The following CASP8 variants were observed in gnomAD, a reference collection of about 807,000 sequenced individuals.
CASP8 encodes the protein caspase 8, also known as caspase-8.
A neutral mutation model predicts 46.3 loss-of-function variants in CASP8; 24 were observed. The ratio of observed to expected loss-of-function variants is 0.52; its 90% CI spans 0.38 to 0.73. CASP8 has a LOEUF of 0.73. Among genes scored for constraint, CASP8 ranks in the 30% least tolerant of loss-of-function variants. CASP8 has a pLI of 0.00. For missense variants in CASP8, 460 were observed against 559.0 expected, an observed-to-expected ratio of 0.82 and a Z score of 1.79; for synonymous variants, 188 against 200.4, an observed-to-expected ratio of 0.94 and a Z score of 0.52.
rs1948336493 is a variant in CASP8 at position 201,272,553 on chromosome 2, G to A, written c.412-85G>A. On this transcript the variant is annotated intron_variant, in intron 3 of 8. Coordinates refer to ENST00000673742, the MANE Select transcript of CASP8 (RefSeq NM_001372051.1). The surrounding 1 kb of genome is among the most constrained non-coding windows in gnomAD (Gnocchi z 4.4). ...AAGCAAGGGCAGGTCCTTGGTTGGA[G>A]AAATTGGAAATTAAAAAAAAAAATC... 6.7e-7 allele frequency: 1 copy of A among 1,500,448 alleles called. No homozygotes were observed. The highest frequency in any genetic ancestry group is 9.2e-7 in the Non-Finnish European group (1 of 1,087,064). The allele number at this position is 1,500,448 out of a possible 1,614,324, so 92.9% of individuals were successfully genotyped here. A position where few individuals can be genotyped will look rare whatever the true frequency, so the allele number is the denominator to read the frequency against.
intron 2 of CASP8, among the ~76,000 whole-genome samples, chr2:201,245,682 A>G (rs1946481824): frequency 6.6e-6 from 1 of 152,074 alleles, no homozygotes; most frequent in African/African-American, 2.4e-5. Flanking sequence ...CCAGGTTTGG[A>G]GTGAGGCGTA....
chr2:201,285,317 G>C lies in CASP8; in HGVS notation c.1304G>C (p.Arg435Pro), dbSNP rs746401108. The C allele has an allele frequency of 6.2e-7, 1 of 1,612,972 alleles. No individual in the cohort carries two copies. The highest frequency in any genetic ancestry group is 8.5e-7 in the Non-Finnish European group (1 of 1,180,004). ...CAGAGCCTGAGAGAGCGATGTCCTC[G>C]GTAAGTTTTGCCTACTCAGCCCTCC... Reference protein sequence around the residue: ...LCQSLRERCPRGDDILTILTE... With the variant: ...LCQSLRERCPPGDDILTILTE... Residue 435 changes from arginine (R) to proline (P), a missense_variant and splice_region_variant, in exon 8 of 9, where the codon CGA becomes CCA. Coordinates refer to ENST00000673742, the MANE Select transcript of CASP8 (RefSeq NM_001372051.1).
In CASP8 at chr2:201,271,627, A is replaced by G; in HGVS notation, c.411+6A>G. 4 of 1,512,052 alleles carry G rather than the reference A, an allele frequency of 2.6e-6. No homozygotes were observed. The highest frequency in any genetic ancestry group is 3.7e-6 in the Non-Finnish European group (4 of 1,086,974). The allele number at this position is 1,512,052 out of a possible 1,614,324, so 93.7% of individuals were successfully genotyped here. ...GCAAACTGGATGATGACATGGTAAGACCTGGTATCTTACTGAGATTTAGTC... is the reference window on the plus strand; with the variant it reads ...GCAAACTGGATGATGACATGGTAAGGCCTGGTATCTTACTGAGATTTAGTC... On this transcript the variant is annotated splice_donor_region_variant and intron_variant, in intron 3 of 8. Coordinates refer to ENST00000673742, the MANE Select transcript of CASP8 (RefSeq NM_001372051.1).
At chr2:201,254,940 C>T (rs1280112172) in intron 2 of CASP8, among the ~76,000 whole-genome samples, 1 of 152,216 alleles carries the variant, frequency 6.6e-6, no homozygotes, top group Non-Finnish European at 1.5e-5. Flanking sequence ...GGACCATGCA[C>T]ATTATTAATT....
At position 201,272,659 on chromosome 2, in the gene CASP8, G is replaced by A. The variant is rs2125254662; in HGVS notation, c.433G>A (p.Glu145Lys). The A allele has an allele frequency of 6.2e-7, 1 of 1,614,124 alleles. No individual in the cohort carries two copies. The highest frequency in any genetic ancestry group is 2.2e-5 in the East Asian group (1 of 44,882). The change falls in exon 4 of 9, where the codon GAG becomes AAG. Residue 145 changes from glutamate to lysine, a missense_variant. By Grantham distance (56) the Glu-to-Lys change is moderately conservative. Transcript: ENST00000673742. This position sits in a 1 kb window ranked among gnomAD's most constrained non-coding sequence, Gnocchi z 4.4. ...TTAGAACCTGCTGGATATTTTCATA[G>A]AGATGGAGAAGAGGGTCATCCTGGG... ...DDMNLLDIFIEMEKRVILGEG... is the reference protein window; with the variant it reads ...DDMNLLDIFIKMEKRVILGEG...
chr2:201,237,660 C>T (rs1466012868), intron 2 of CASP8, among the ~76,000 whole-genome samples: 1 of 151,824 alleles, frequency 6.6e-6, no homozygotes, highest in Non-Finnish European at 1.5e-5. Context: ...CAGTTTTTTT[C>T]CCACTTGCAC....
chr2:201,258,611 C>A (rs1220066452), upstream of CASP8, among the ~76,000 whole-genome samples: 1 of 152,210 alleles, frequency 6.6e-6, no homozygotes, highest in African/African-American at 2.4e-5. Flanking sequence ...TCCTCTGCTA[C>A]CTTTTTGTCC....
intron 2 of CASP8, among the ~76,000 whole-genome samples, chr2:201,253,429 A>T (rs576099799): frequency 6.7e-6 from 1 of 149,138 alleles, no homozygotes; most frequent in African/African-American, 2.5e-5. Flanking sequence ...TCCTGTCTGT[A>T]AGACACATGC....
intron 2 of CASP8, among the ~76,000 whole-genome samples, chr2:201,268,940 TGTGTGTGTGTGTGTGTGA>T (rs1233881292): frequency 6.7e-6 from 1 of 149,456 alleles, no homozygotes; most frequent in Non-Finnish European, 1.5e-5. Context: ...TGTGTGTGTG[TGTGTGTGTGTGTGTGTGA>T]GACAGTGTCT....
At chr2:201,276,767 T>C (rs1948658377) in intron 6 of CASP8, 60 bp from the exon 7 acceptor site, 2 of 1,611,546 alleles carry the variant, frequency 1.2e-6, no homozygotes, top group Non-Finnish European at 1.7e-6. Context: ...GAGTTGTTTG[T>C]TTACATCTCT....
chr2:201,272,796 C>T lies in CASP8; in HGVS notation c.550+20C>T, dbSNP rs371851826. On this transcript the variant is annotated intron_variant, in intron 4 of 8. Transcript: ENST00000673742. The surrounding 1 kb of genome is among the most constrained non-coding windows in gnomAD (Gnocchi z 4.4). ...GCAAAGGTAGAAACAACCTGACAGC[C>T]GGGAATCGGCAAAACCTACTCTAAA... is the stretch of plus-strand genomic sequence containing the variant. The T allele has an allele frequency of 2.4e-5, 38 of 1,613,994 alleles. No individual in the cohort carries two copies. The highest frequency in any genetic ancestry group is 2.9e-5 in the Non-Finnish European group (34 of 1,180,000).
chr2:201,277,084 T>A, intron 7 of CASP8, 116 bp downstream of exon 7: 1 of 749,832 alleles, frequency 1.3e-6, no homozygotes, highest in Non-Finnish European at 2.3e-6. Flanking sequence ...AAAATGGATT[T>A]AAACATATTT....
chr2:201,262,348 T>C (rs747345828), intron 1 of CASP8: 2 of 151,842 alleles, frequency 1.3e-5, no homozygotes, highest in East Asian at 3.9e-4. Flanking sequence ...CAAACATTTA[T>C]ATATCATTTA....
intron 7 of CASP8, among the ~76,000 whole-genome samples, chr2:201,283,663 C>T (rs1445397810): frequency 9.7e-5 from 9 of 92,454 alleles, no homozygotes; most frequent in African/African-American, 3.2e-4. Flanking sequence ...GCGCCCCTCA[C>T]CTCCCGGACG....
chr2:201,258,369 A>T, upstream of CASP8: 1 of 1,613,882 alleles, frequency 6.2e-7, no homozygotes. Flanking sequence ...TGGTGCCAGG[A>T]AAGGGTGGAG....
rs535474839 is a variant in CASP8, at chr2:201,285,210, T to C, written c.1197T>C (p.Phe399=). ...GATATATCCCGGATGAGGCTGACTT[T>C]CTGCTGGGGATGGCCACTGTGAATA... ...QTRYIPDEAD[F]LLGMATVNNC... Residue 399 remains phenylalanine (F), a synonymous_variant, in exon 8 of 9, where the codon TTT becomes TTC. Coordinates refer to ENST00000673742, the MANE Select transcript of CASP8 (RefSeq NM_001372051.1). The C allele has an allele frequency of 8.8e-5, 142 of 1,614,246 alleles. No homozygotes were observed. The South Asian group carries it at 1.5e-3, about 17-fold the overall frequency.
rs553822447 is a variant in CASP8 at position 201,264,372 on chromosome 2, G to GT, written c.-26-2082dup. 2.8e-4 allele frequency among the ~76,000 whole-genome samples: 42 copies of GT among 151,270 alleles called. 2 individuals carry two copies. In the South Asian group the frequency reaches 6.7e-3, roughly 24 times the overall value. On this transcript the variant is annotated intron_variant, in intron 1 of 8. Transcript: ENST00000673742. ...ACAGAGATGGCTAAATTACCCACCTGTTTTTTTGTTTTGTTTTGGTTTTGG... is the reference window on the plus strand; with the variant it reads ...ACAGAGATGGCTAAATTACCCACCTGTTTTTTTTGTTTTGTTTTGGTTTTGG...
At chr2:201,286,351 A>C (rs745885046) in intron 8 of CASP8, 108 bp from the exon 9 acceptor site, 11 of 1,373,448 alleles carry the variant, frequency 8.0e-6, no homozygotes, top group Non-Finnish European at 1.1e-5. Context: ...CAAATGACTG[A>C]TATTTTGAGA....
At chr2:201,265,411 G>T (rs556556990) in intron 1 of CASP8, among the ~76,000 whole-genome samples, 1 of 151,638 alleles carries the variant, frequency 6.6e-6, no homozygotes, top group African/African-American at 2.4e-5. Flanking sequence ...AATACCGTAT[G>T]TTCTCACTTA....
Sources: gnomAD v4.1 joint callset for allele counts (sites outside exome capture counted in the v4.1 genomes callset) on GRCh38, gnomAD v4.1.1 for gene constraint, Gnocchi (gnomAD v3.1) non-coding constraint, MANE v1.5 for transcripts, NCBI Gene and HGNC (gene_info 2026-07-23, HGNC 2026-07-21) for gene names.